ABCB11: variants seen among roughly 807,000 people sequenced by gnomAD.
The protein encoded by ABCB11 is bile salt export pump.
ABCB11 carries 95 observed loss-of-function variants against 148.0 expected under a neutral mutation model. The ratio of observed to expected loss-of-function variants is 0.64; its 90% CI spans 0.54 to 0.76. The LOEUF is 0.76. ABCB11 is among the 30% of genes least tolerant of loss of function. The probability of loss-of-function intolerance (pLI) is 0.00; values close to 1 mark genes in which losing one functional copy is unlikely to be tolerated. For missense variants in ABCB11, 1,523 were observed against 1,617.8 expected, an observed-to-expected ratio of 0.94 and a Z score of 1.01; for synonymous variants, 591 against 555.4, an observed-to-expected ratio of 1.06 and a Z score of -0.90.
Position 169,021,523 on chromosome 2 carries a change from C to G in ABCB11, c.-27-3371G>C, listed in dbSNP as rs1220438442. Among the ~76,000 whole-genome samples, 5 of 152,052 alleles carry G rather than the reference C, an allele frequency of 3.3e-5. No homozygotes were observed. The East Asian group carries it at 9.7e-4, about 29-fold the overall frequency. ...CAACCTAACACAACATAGCCTGCAA[C>G]TGTAATGAAAAATTTAAACACAACT... On this transcript the variant is annotated intron_variant, in intron 1 of 27. Coordinates refer to ENST00000650372, the MANE Select transcript of ABCB11 (RefSeq NM_003742.4).
intron 8 of ABCB11, among the ~76,000 whole-genome samples, chr2:168,992,186 GCAAGA>G (rs543828609): frequency 1.5e-3 from 224 of 152,072 alleles, no homozygotes; most frequent in African/African-American, 5.0e-3. Flanking sequence ...AGACTTGAAA[GCAAGA>G]CAAGACATGT....
At position 168,923,617 on chromosome 2, in the gene ABCB11, T is replaced by C; in HGVS notation, c.*5A>G. ...GTCATGTGTGTCTGAGATTCTTGCA[T>C]TGGGTCAACTGATGGGGGATCCAGT... On this transcript the variant is annotated 3_prime_UTR_variant, in exon 28 of 28. Transcript: ENST00000650372. 2 of 1,613,800 alleles carry C rather than the reference T, an allele frequency of 1.2e-6. No homozygotes were observed. The highest frequency in any genetic ancestry group is 1.7e-6 in the Non-Finnish European group (2 of 1,179,802).
At chr2:168,985,437 A>C (rs571544788) in intron 10 of ABCB11, among the ~76,000 whole-genome samples, 87 of 152,296 alleles carry the variant, frequency 5.7e-4, no homozygotes, top group African/African-American at 1.9e-3. Context: ...CAAAAGAGAT[A>C]CTTGCACACG....
chr2:169,006,974 A>G (rs1206045191), intron 5 of ABCB11, among the ~76,000 whole-genome samples: 3 of 152,200 alleles, frequency 2.0e-5, no homozygotes, highest in South Asian at 2.1e-4. Flanking sequence ...AAACTGATCT[A>G]CAGAGTCAAT....
chr2:168,981,171 G>C (rs1286376330), intron 10 of ABCB11, among the ~76,000 whole-genome samples: 2 of 152,126 alleles, frequency 1.3e-5, no homozygotes, highest in Admixed American at 6.6e-5. Flanking sequence ...CTTGTGGCTG[G>C]AGTGTCTGAA....
At chr2:168,978,726 G>C (rs1694023552) in intron 11 of ABCB11, among the ~76,000 whole-genome samples, 2 of 151,734 alleles carry the variant, frequency 1.3e-5, no homozygotes. Context: ...TTTTCTGTTT[G>C]TTTGTTTTTT....
At chr2:169,013,213 T>G (rs1302520642) in intron 5 of ABCB11, 59 bp downstream of exon 5, 12 of 1,331,954 alleles carry the variant, frequency 9.0e-6, no homozygotes, top group African/African-American at 8.8e-5. Flanking sequence ...CTATACATTT[T>G]GAATTACAAT....
intron 1 of ABCB11, among the ~76,000 whole-genome samples, chr2:169,026,136 T>A (rs1695686112): frequency 2.0e-5 from 3 of 152,222 alleles, no homozygotes; most frequent in Non-Finnish European, 2.9e-5. Flanking sequence ...AAAGTAACTT[T>A]GAGGTTGGTA....
chr2:168,972,970 C>T (rs1299300380), intron 13 of ABCB11, among the ~76,000 whole-genome samples: 1 of 151,966 alleles, frequency 6.6e-6, no homozygotes, highest in Non-Finnish European at 1.5e-5. Flanking sequence ...AATAAGTAAT[C>T]ATTTTAATAA....
At chr2:168,948,514 A>G (rs1323475997) in intron 19 of ABCB11, among the ~76,000 whole-genome samples, 1 of 147,816 alleles carries the variant, frequency 6.8e-6, no homozygotes, top group Non-Finnish European at 1.5e-5. Context: ...TTTTTTGTTG[A>G]TGTTATCTTC....
At chr2:168,988,176 A>T (rs1165975013) in intron 9 of ABCB11, among the ~76,000 whole-genome samples, 1 of 152,134 alleles carries the variant, frequency 6.6e-6, no homozygotes, top group Non-Finnish European at 1.5e-5. Context: ...AACAACTACA[A>T]TTAGATAATT....
At position 168,921,120 on chromosome 2, in the gene ABCB11, T is replaced by A. The variant is rs1366831724; in HGVS notation, c.*2502A>T. On this transcript the variant is annotated 3_prime_UTR_variant, in exon 28 of 28. Coordinates refer to ENST00000650372, the MANE Select transcript of ABCB11 (RefSeq NM_003742.4). ...AAACCTTAATTTCCTCTAAAAGGCA[T>A]CTTTACTCTGCAACTTACTCGTCAT... is the stretch of plus-strand genomic sequence containing the variant. 6.6e-6 allele frequency among the ~76,000 whole-genome samples: 1 copy of A among 152,198 alleles called. No individual in the cohort carries two copies. Among genetic ancestry groups the A allele is most frequent in the Non-Finnish European group, 1.5e-5 (1 of 68,032 alleles).
intron 11 of ABCB11, 46 bp from the exon 12 acceptor site, chr2:168,976,733 T>C (rs1361646130): frequency 1.8e-6 from 2 of 1,128,174 alleles, no homozygotes; most frequent in Non-Finnish European, 2.7e-6. Flanking sequence ...CAAACTAAGA[T>C]GCACAACTCA....
chr2:168,975,620 G>T lies in ABCB11; in HGVS notation c.1308+957C>A, dbSNP rs373576523. On this transcript the variant is annotated intron_variant, in intron 12 of 27. Coordinates refer to ENST00000650372, the MANE Select transcript of ABCB11 (RefSeq NM_003742.4). ...ATATTTTTATATTTAAATATTTATA[G>T]ATAAATATATATTTACATATATATG... 7.6e-5 allele frequency among the ~76,000 whole-genome samples: 6 copies of T among 78,860 alleles called. 1 individual carries two copies. The highest frequency in any genetic ancestry group is 2.4e-4 in the African/African-American group (5 of 20,836). 51.7% of individuals were successfully genotyped at this position (78,860 alleles called of 152,430 possible).
At chr2:168,918,618 C>T (rs1408282617), downstream of ABCB11, among the ~76,000 whole-genome samples, 1 of 152,156 alleles carries the variant, frequency 6.6e-6, no homozygotes, top group Non-Finnish European at 1.5e-5. Flanking sequence ...AAGTCAACAT[C>T]ATTATTTTGG....
At chr2:168,925,278 C>A (rs1345744593) in intron 26 of ABCB11, among the ~76,000 whole-genome samples, 1 of 152,232 alleles carries the variant, frequency 6.6e-6, no homozygotes, top group Non-Finnish European at 1.5e-5. Context: ...CTGCTGCTTA[C>A]TAGCTTGTGT....
At chr2:169,020,340 T>C (rs1483228854) in intron 1 of ABCB11, among the ~76,000 whole-genome samples, 2 of 151,916 alleles carry the variant, frequency 1.3e-5, no homozygotes, top group Non-Finnish European at 2.9e-5. Flanking sequence ...TCAACCAATA[T>C]CTGAAAATTT....
intron 1 of ABCB11, among the ~76,000 whole-genome samples, chr2:169,025,101 T>C (rs1695657138): frequency 6.6e-6 from 1 of 152,212 alleles, no homozygotes; most frequent in Admixed American, 6.5e-5. Flanking sequence ...GTTATTGCAT[T>C]TCCTAATTTT....
chr2:168,924,738 A>T lies in ABCB11; in HGVS notation c.3684T>A (p.Ala1228=), dbSNP rs757268581. ...QLSRGEKQRI[A]IARAIVRDPK... is the part of the protein sequence containing the mutation. ...GATCTCGTACAATGGCCCGAGCAAT[A>T]GCAATGCGTTGTTTCTCCCCTCTAG... is the stretch of plus-strand genomic sequence containing the variant. Residue 1228 remains alanine, a synonymous_variant, in exon 27 of 28, where the codon GCT becomes GCA. Transcript: ENST00000650372. The T allele has an allele frequency of 1.2e-6, 2 of 1,613,866 alleles. No individual in the cohort carries two copies. Among genetic ancestry groups the T allele is most frequent in the Non-Finnish European group, 1.7e-6 (2 of 1,179,814 alleles).
Sources: allele counts gnomAD v4.1 joint callset (sites outside exome capture counted in the v4.1 genomes callset), GRCh38; gene constraint gnomAD v4.1.1; transcripts MANE v1.5; gene names NCBI Gene and HGNC (gene_info 2026-07-23, HGNC 2026-07-21).